SPG11: variants seen among roughly 807,000 people sequenced by gnomAD.
SPG11 encodes SPG11 vesicle trafficking associated, spatacsin, also known as spatacsin.
In SPG11, 222 loss-of-function variants were observed where a neutral mutation model predicts 274.0. That is an observed-to-expected ratio of 0.81 (90% CI 0.73 to 0.91). The LOEUF (loss-of-function observed/expected upper bound fraction) is 0.91. Ranked by LOEUF, SPG11 falls within the 40% of genes least tolerant of loss-of-function variation. The pLI is 0.00. For missense variants in SPG11, 3,114 were observed against 2,872.7 expected (o/e 1.08, Z -1.92); for synonymous variants, 1,144 against 1,039.7 (o/e 1.10, Z -1.93).
rs753234724 is a variant in SPG11 at position 44,610,919 on chromosome 15, C to G, written c.3212G>C (p.Ser1071Thr). The G allele has an allele frequency of 5.6e-6, 9 of 1,613,918 alleles. No homozygotes were observed. In the East Asian group the frequency reaches 2.0e-4, roughly 36 times the overall value. ...TCCTTCCAATAGCATACTGCTTACA[C>G]TGGCCTGATTGGTGGGAATCAAAAT... ...AQILIPTNQA[S>T]VSSMLLEGHT... Residue 1071 changes from serine to threonine, a missense_variant, in exon 18 of 40, where the codon AGT becomes ACT. Physicochemically the swap from Ser to Thr is moderately conservative, Grantham distance 58. Transcript: ENST00000261866.
At chr15:44,656,206 C>T (rs1425857027) in intron 4 of SPG11, among the ~76,000 whole-genome samples, 1 of 152,182 alleles carries the variant, frequency 6.6e-6, no homozygotes, top group African/African-American at 2.4e-5. Context: ...TGAAAAATCA[C>T]TGTAAAATTT....
At chr15:44,577,774 C>G (rs1032172003) in intron 30 of SPG11, among the ~76,000 whole-genome samples, 1 of 152,132 alleles carries the variant, frequency 6.6e-6, no homozygotes, top group Non-Finnish European at 1.5e-5. Flanking sequence ...TATCCCCCCT[C>G]TAGCAAGCTC....
rs139650852 is a variant in SPG11, at chr15:44,570,542, C to T, written c.6460G>A (p.Glu2154Lys). 9 of 1,614,000 alleles carry T rather than the reference C, an allele frequency of 5.6e-6. No homozygotes were observed. Among genetic ancestry groups the T allele is most frequent in the African/African-American group, 2.7e-5 (2 of 74,922 alleles). The change falls in exon 34 of 40, where the codon GAG (glutamate) becomes AAG (lysine). Residue 2154 changes from glutamate to lysine, a missense_variant. Coordinates refer to ENST00000261866, the MANE Select transcript of SPG11 (RefSeq NM_025137.4). ...MLTDNHLAPS[E>K]EYGLVVRLLT... ...CTACTTACCACCAGCCCATACTCCTCACTGGGGGCCAGGTGGTTATCTGTG... is the reference window on the plus strand; with the variant it reads ...CTACTTACCACCAGCCCATACTCCTTACTGGGGGCCAGGTGGTTATCTGTG...
chr15:44,655,364 A>T (rs2141116808), intron 4 of SPG11, among the ~76,000 whole-genome samples: 1 of 152,308 alleles, frequency 6.6e-6, no homozygotes, highest in Middle Eastern at 3.4e-3. Flanking sequence ...ACACCATGGG[A>T]CCCATATGAA....
intron 28 of SPG11, 79 bp from the exon 29 acceptor site, chr15:44,585,929 G>A: frequency 1.7e-6 from 2 of 1,164,384 alleles, no homozygotes; most frequent in Admixed American, 1.7e-5. Flanking sequence ...ACATATCAGG[G>A]GGAAAATATA....
At chr15:44,567,258 G>A in intron 36 of SPG11, 166 bp downstream of exon 36, 1 of 644,996 alleles carries the variant, frequency 1.6e-6, no homozygotes, top group Admixed American at 2.7e-5. Flanking sequence ...GGCTGAGGCG[G>A]GAGAATCACT....
intron 26 of SPG11, among the ~76,000 whole-genome samples, chr15:44,594,012 C>T (rs143575577): frequency 5.7e-3 from 856 of 150,748 alleles, no homozygotes; most frequent in Non-Finnish European, 9.7e-3. Context: ...TCAAATGATC[C>T]GCCCGTCTCA....
At chr15:44,597,737 G>A (rs2083081431) in intron 23 of SPG11, among the ~76,000 whole-genome samples, 1 of 152,246 alleles carries the variant, frequency 6.6e-6, no homozygotes, top group Admixed American at 6.5e-5. Context: ...AGGGTCTGGA[G>A]TGGTTAGGTC....
At chr15:44,575,865 G>T (rs1401695557) in intron 30 of SPG11, among the ~76,000 whole-genome samples, 1 of 152,090 alleles carries the variant, frequency 6.6e-6, no homozygotes, top group Non-Finnish European at 1.5e-5. Context: ...GCTCTTGGAC[G>T]GGTGCGGTGG....
intron 20 of SPG11, among the ~76,000 whole-genome samples, chr15:44,605,092 T>C (rs2083288064): frequency 6.6e-6 from 1 of 152,136 alleles, no homozygotes; most frequent in Admixed American, 6.5e-5. Context: ...GAGTGCTCAA[T>C]TTCCAAGAGT....
chr15:44,572,605 T>C, intron 33 of SPG11, 78 bp downstream of exon 33: 1 of 1,497,400 alleles, frequency 6.7e-7, no homozygotes, highest in African/African-American at 1.4e-5. Context: ...GGGACCCAAA[T>C]CAAGTTTTGG....
chr15:44,583,220 C>T (rs2082690185), intron 30 of SPG11, among the ~76,000 whole-genome samples: 1 of 152,156 alleles, frequency 6.6e-6, no homozygotes, highest in Non-Finnish European at 1.5e-5. Context: ...GGCTCACGCC[C>T]TATAATCTCG....
chr15:44,580,083 T>A (rs1361753111), intron 30 of SPG11, among the ~76,000 whole-genome samples: 6 of 152,344 alleles, frequency 3.9e-5, no homozygotes, highest in South Asian at 2.1e-4. Flanking sequence ...TTTAAAAAAA[T>A]TTTTTAAATG....
chr15:44,574,828 A>C, intron 31 of SPG11, 74 bp downstream of exon 31: 3 of 1,569,968 alleles, frequency 1.9e-6, no homozygotes, highest in Admixed American at 1.7e-5. Flanking sequence ...CTGACTTGGC[A>C]ATGTCCAAAA....
At position 44,563,178 on chromosome 15, in the gene SPG11, A is replaced by T; in HGVS notation, c.7275T>A (p.Asn2425Lys). ...AYEHKFYEIVNVLLKDPQTGC... is the reference protein window; with the variant it reads ...AYEHKFYEIVKVLLKDPQTGC... ...CTGTCTGAGGGTCCTTCAGAAGCAC[A>T]TTTACAATTTCATAAAACTTGTGTT... Residue 2425 changes from asparagine to lysine, a missense_variant, in exon 40 of 40, where the codon AAT becomes AAA. Coordinates refer to ENST00000261866, the MANE Select transcript of SPG11 (RefSeq NM_025137.4). 6.2e-7 allele frequency: 1 copy of T among 1,614,228 alleles called. No homozygotes were observed. The highest frequency in any genetic ancestry group is 8.5e-7 in the Non-Finnish European group (1 of 1,180,036).
rs377710002 is a variant in SPG11, at chr15:44,589,237, T to C, written c.4906+15A>G. On this transcript the variant is annotated intron_variant, in intron 28 of 39. Transcript: ENST00000261866. ...TAACTTCTTAATAGCAACTTAACTG[T>C]AAGGATTGTCTTACCATCAGAGAAG... 1.2e-6 allele frequency: 2 copies of C among 1,613,062 alleles called. No homozygotes were observed. The highest frequency in any genetic ancestry group is 1.7e-6 in the Non-Finnish European group (2 of 1,179,862).
chr15:44,592,213 C>T (rs552740428), intron 27 of SPG11, 118 bp downstream of exon 27: 356 of 712,026 alleles, frequency 5.0e-4, no homozygotes, highest in Admixed American at 7.7e-4. Context: ...GAGCTGTGAT[C>T]GTAACACTGT....
chr15:44,589,115 G>A (rs1294489950), intron 28 of SPG11, 137 bp downstream of exon 28: 3 of 813,608 alleles, frequency 3.7e-6, no homozygotes, highest in Non-Finnish European at 6.0e-6. Context: ...AAAGTTCTCT[G>A]TAACTTGTTT....
In SPG11 at chr15:44,626,524, G is replaced by A. The variant is rs767305416; in HGVS notation, c.2068-17C>T. The A allele has an allele frequency of 8.1e-6, 13 of 1,612,448 alleles. No homozygotes were observed. The highest frequency in any genetic ancestry group is 2.7e-5 in the African/African-American group (2 of 74,840). ...AATAACTTCCTAGGAAAAGAAAAAC[G>A]TTTGCCTTTTAAGTTCTTTTTCATT... On this transcript the variant is annotated splice_polypyrimidine_tract_variant and intron_variant, in intron 10 of 39. Transcript: ENST00000261866.
Sources: gnomAD v4.1 joint callset for allele counts (sites outside exome capture counted in the v4.1 genomes callset) on GRCh38, gnomAD v4.1.1 for gene constraint, MANE v1.5 for transcripts, NCBI Gene and HGNC (gene_info 2026-07-23, HGNC 2026-07-21) for gene names.